The following TSNAX variants were observed in gnomAD, a reference collection of about 807,000 sequenced individuals.
TSNAX encodes the protein translin associated factor X, also known as translin-associated protein X.
In TSNAX, 12 loss-of-function variants were observed where a neutral mutation model predicts 33.0. The ratio of observed to expected loss-of-function variants is 0.36; its 90% CI spans 0.23 to 0.59. The LOEUF is 0.59. TSNAX is among the 20% of genes least tolerant of loss of function. TSNAX has a pLI of 0.74. For missense variants in TSNAX, 267 were observed against 341.3 expected (o/e 0.78, Z 1.72); for synonymous variants, 110 against 117.2 (o/e 0.94, Z 0.40).
At chr1:231,530,081 T>G (rs1658571104) in intron 2 of TSNAX, among the ~76,000 whole-genome samples, 1 of 152,214 alleles carries the variant, frequency 6.6e-6, no homozygotes, top group South Asian at 2.1e-4. Context: ...GAACTTCTTG[T>G]GCTGCTTGGA....
intron 5 of TSNAX, 152 bp from the exon 6 acceptor site, chr1:231,564,376 T>G: frequency 7.1e-7 from 1 of 1,415,130 alleles, no homozygotes; most frequent in Admixed American, 2.6e-5. Context: ...CAAAACAGAT[T>G]TATTTTATTT....
At chr1:231,563,277 T>A (rs1661227394) in intron 5 of TSNAX, among the ~76,000 whole-genome samples, 1 of 152,240 alleles carries the variant, frequency 6.6e-6, no homozygotes, top group Non-Finnish European at 1.5e-5. Flanking sequence ...TTAGGCATCG[T>A]CTCTACCAGA....
At chr1:231,529,138 C>T in intron 1 of TSNAX, 117 bp from the exon 2 acceptor site, 10 of 1,042,014 alleles carry the variant, frequency 9.6e-6, no homozygotes, top group Non-Finnish European at 1.4e-5. Context: ...GAGAAAGCCT[C>T]TAAGGCGAGG....
chr1:231,535,333 C>A (rs956878368), intron 2 of TSNAX: 1 of 152,140 alleles, frequency 6.6e-6, no homozygotes, highest in Admixed American at 6.6e-5. Context: ...TTATTTAATA[C>A]CTTTTGCTCT....
In TSNAX at chr1:231,564,842, T is replaced by C. The variant is rs145053034; in HGVS notation, c.810T>C (p.His270=). Residue 270 remains histidine (H), a synonymous_variant, in exon 6 of 6, where the codon CAT becomes CAC. Coordinates refer to ENST00000366639, the MANE Select transcript of TSNAX (RefSeq NM_005999.3). ...TCAGAGGGTCAGAAATTCCAAAACATATGTTGGCAGATGTGTTTTCAGTTA... is the reference window on the plus strand; with the variant it reads ...TCAGAGGGTCAGAAATTCCAAAACACATGTTGGCAGATGTGTTTTCAGTTA... ...LKVRGSEIPK[H]MLADVFSVKT... 26 of 1,614,030 alleles carry C rather than the reference T, an allele frequency of 1.6e-5. No homozygotes were observed. The highest frequency in any genetic ancestry group is 5.3e-5 in the African/African-American group (4 of 74,914).
At chr1:231,530,102 T>G (rs1257179163) in intron 2 of TSNAX, among the ~76,000 whole-genome samples, 1 of 152,196 alleles carries the variant, frequency 6.6e-6, no homozygotes. Context: ...TGTCCTTTGG[T>G]GTGGCATCTG....
chr1:231,550,829 A>G (rs983476445), intron 4 of TSNAX, among the ~76,000 whole-genome samples: 2 of 152,192 alleles, frequency 1.3e-5, no homozygotes, highest in Non-Finnish European at 2.9e-5. Context: ...GCAGGAACCC[A>G]GTTGCCTGAT....
rs1661396268 is a variant in TSNAX, at chr1:231,565,871, A to G, written c.*966A>G. ...CAGGTGCCCAGATGTTGCTTTCTCC[A>G]TTTATTTTTTGTTTTTTTTTAATCA... is the stretch of plus-strand genomic sequence containing the variant. On this transcript the variant is annotated 3_prime_UTR_variant, in exon 6 of 6. Transcript: ENST00000366639. 1 of 151,988 alleles carries G rather than the reference A, an allele frequency of 6.6e-6. No individual in the cohort carries two copies. The highest frequency in any genetic ancestry group is 1.5e-5 in the Non-Finnish European group (1 of 67,996). 9.4% of individuals were successfully genotyped at this position (151,988 alleles called of 1,614,324 possible).
At chr1:231,532,171 C>CACACACACACACACACA (rs1658788278) in intron 2 of TSNAX, among the ~76,000 whole-genome samples, 1 of 93,970 alleles carries the variant, frequency 1.1e-5, no homozygotes, top group East Asian at 2.1e-4. Context: ...CACACACACA[C>CACACACACACACACACA]ACACACACAC....
At chr1:231,547,254 A>G (rs1001357825) in intron 4 of TSNAX, among the ~76,000 whole-genome samples, 4 of 152,140 alleles carry the variant, frequency 2.6e-5, no homozygotes, top group African/African-American at 9.7e-5. Flanking sequence ...GGTGAGTGAT[A>G]GTATTGGAAT....
chr1:231,530,555 C>T (rs1425156190), intron 2 of TSNAX, among the ~76,000 whole-genome samples: 1 of 152,022 alleles, frequency 6.6e-6, no homozygotes, highest in African/African-American at 2.4e-5. Context: ...AACCCCGTCT[C>T]TACTAAAAAT....
chr1:231,554,213 C>G (rs1660539811), intron 4 of TSNAX, among the ~76,000 whole-genome samples: 1 of 152,182 alleles, frequency 6.6e-6, no homozygotes, highest in Non-Finnish European at 1.5e-5. Flanking sequence ...TCAAATTCTG[C>G]CCTTCATCAG....
intron 4 of TSNAX, among the ~76,000 whole-genome samples, chr1:231,559,963 A>AATTATTATTATTATT (rs1279104097): frequency 7.4e-5 from 11 of 148,934 alleles, no homozygotes; most frequent in Non-Finnish European, 1.6e-4. Context: ...GAAAGATCCA[A>AATTATTATTATTATT]ATTATTATTA....
At chr1:231,556,338 G>C (rs1008975406) in intron 4 of TSNAX, among the ~76,000 whole-genome samples, 2 of 151,938 alleles carry the variant, frequency 1.3e-5, no homozygotes, top group Non-Finnish European at 2.9e-5. Flanking sequence ...GGAATATTTT[G>C]AACTATTCTT....
Position 231,538,279 on chromosome 1 carries a change from A to T in TSNAX, c.236+952A>T, listed in dbSNP as rs553169497. Reference sequence around the variant, plus strand: ...TAAGCAGAACGGGGAAATTAATTATAAAAAAAGCCACTATCAACTAGCAGA... The same window carrying T: ...TAAGCAGAACGGGGAAATTAATTATTAAAAAAGCCACTATCAACTAGCAGA... On this transcript the variant is annotated intron_variant, in intron 3 of 5. Transcript: ENST00000366639. 6.4e-4 allele frequency among the ~76,000 whole-genome samples: 98 copies of T among 152,330 alleles called. 1 individual carries two copies. Among genetic ancestry groups the T allele is most frequent in the African/African-American group, 2.3e-3 (95 of 41,580 alleles).
At chr1:231,532,536 AGCAG>A (rs1658834579) in intron 2 of TSNAX, among the ~76,000 whole-genome samples, 1 of 152,144 alleles carries the variant, frequency 6.6e-6, no homozygotes, top group Non-Finnish European at 1.5e-5. Context: ...AAGGTGGAAA[AGCAG>A]GAAGACAACA....
At chr1:231,562,699 A>G (rs921199930) in intron 5 of TSNAX, among the ~76,000 whole-genome samples, 2 of 152,202 alleles carry the variant, frequency 1.3e-5, no homozygotes, top group African/African-American at 4.8e-5. Context: ...ATATTCATAT[A>G]CATGTTTCAA....
chr1:231,533,392 C>T (rs895612906), intron 2 of TSNAX, among the ~76,000 whole-genome samples: 32 of 152,326 alleles, frequency 2.1e-4, no homozygotes, highest in African/African-American at 5.5e-4. Context: ...TGAGCCATCG[C>T]GCCCGGCCCG....
intron 4 of TSNAX, among the ~76,000 whole-genome samples, chr1:231,548,653 T>C (rs2124919159): frequency 6.6e-6 from 1 of 152,320 alleles, no homozygotes; most frequent in South Asian, 2.1e-4. Context: ...TGAATAGGAA[T>C]GTTATTTGTT....
Sources: allele counts gnomAD v4.1 joint callset (sites outside exome capture counted in the v4.1 genomes callset), GRCh38; gene constraint gnomAD v4.1.1; transcripts MANE v1.5; gene names NCBI Gene and HGNC (gene_info 2026-07-23, HGNC 2026-07-21).